The following MAPK7 variants were observed in gnomAD, a reference collection of about 807,000 sequenced individuals.
MAPK7 encodes the protein BMK-1.
A neutral mutation model predicts 56.9 loss-of-function variants in MAPK7; 30 were observed. That is an observed-to-expected ratio of 0.53 (90% CI 0.39 to 0.72). The LOEUF is 0.72. Among genes scored for constraint, MAPK7 ranks in the 30% least tolerant of loss-of-function variants. The pLI is 0.00. For missense variants in MAPK7, 952 were observed against 1,110.8 expected (o/e 0.86, Z 2.03); for synonymous variants, 516 against 449.3 (o/e 1.15, Z -1.88).
chr17:19,379,882 C>G lies in MAPK7; in HGVS notation c.333C>G (p.His111Gln). 1.2e-6 allele frequency: 2 copies of G among 1,614,230 alleles called. No homozygotes were observed. The highest frequency in any genetic ancestry group is 8.5e-7 in the Non-Finnish European group (1 of 1,180,040). Residue 111 changes from histidine (H) to glutamine (Q), a missense_variant, in exon 3 of 7, where the codon CAC becomes CAG. This residue lies in a region of MAPK7 where 213 missense variants were observed against 243.2 expected (regional missense o/e 0.88). Transcript: ENST00000395604. Reference protein sequence around the residue: ...RELKILKHFKHDNIIAIKDIL... With the variant: ...RELKILKHFKQDNIIAIKDIL... ...TGAAGATCCTCAAGCACTTTAAACACGACAACATCATCGCCATCAAGGACA... is the reference window on the plus strand; with the variant it reads ...TGAAGATCCTCAAGCACTTTAAACAGGACAACATCATCGCCATCAAGGACA...
At position 19,380,986 on chromosome 17, in the gene MAPK7, C is replaced by T; in HGVS notation, c.777C>T (p.Arg259=). The T allele has an allele frequency of 6.2e-7, 1 of 1,614,196 alleles. No individual in the cohort carries two copies. The highest frequency in any genetic ancestry group is 8.5e-7 in the Non-Finnish European group (1 of 1,180,040). ...TCTTTGGTGAGATGCTGGCCCGGCG[C>T]CAGCTCTTCCCAGGCAAAAACTATG... ...GCIFGEMLAR[R]QLFPGKNYVH... Residue 259 remains arginine, a synonymous_variant, in exon 4 of 7, where the codon CGC becomes CGT. Coordinates refer to ENST00000395604, the MANE Select transcript of MAPK7 (RefSeq NM_002749.4).
chr17:19,379,791 T>C lies in MAPK7; in HGVS notation c.242T>C (p.Val81Ala), dbSNP rs1434928369. The change falls in exon 3 of 7, where the codon GTG becomes GCG. Residue 81 changes from valine (V) to alanine (A), a missense_variant. Physicochemically the swap from Val to Ala is moderately conservative, Grantham distance 64 (BLOSUM62 0). Transcript: ENST00000395604. ...TTTCCCTGCTCCTCAGGCCAGCAGGTGGCCATCAAGAAGATCCCTAATGCT... is the reference window on the plus strand; with the variant it reads ...TTTCCCTGCTCCTCAGGCCAGCAGGCGGCCATCAAGAAGATCCCTAATGCT... ...SARRRLTGQQ[V>A]AIKKIPNAFD... 2 of 1,613,942 alleles carry C rather than the reference T, an allele frequency of 1.2e-6. No individual in the cohort carries two copies. The highest frequency in any genetic ancestry group is 1.7e-5 in the Admixed American group (1 of 59,978).
intron 5 of MAPK7, 131 bp from the exon 6 acceptor site, chr17:19,382,682 A>G: frequency 7.0e-7 from 1 of 1,431,022 alleles, no homozygotes; most frequent in South Asian, 1.3e-5. Flanking sequence ...AGATGGGGCC[A>G]GCCAGCACTC....
chr17:19,383,039 C>G, intron 6 of MAPK7, 39 bp from the exon 7 acceptor site: 1 of 1,612,698 alleles, frequency 6.2e-7, no homozygotes, highest in Non-Finnish European at 8.5e-7. Flanking sequence ...GAGGGTCCAG[C>G]CTAGGCTAAT....
chr17:19,381,947 T>G lies in MAPK7; in HGVS notation c.1644T>G (p.Ser548=). 1 of 1,551,696 alleles carries G rather than the reference T, an allele frequency of 6.4e-7. No individual in the cohort carries two copies. Among genetic ancestry groups the G allele is most frequent in the Non-Finnish European group, 8.7e-7 (1 of 1,147,168 alleles). Residue 548 remains serine, a synonymous_variant, in exon 5 of 7, where the codon TCT becomes TCG. Coordinates refer to ENST00000395604, the MANE Select transcript of MAPK7 (RefSeq NM_002749.4). The surrounding 1 kb of genome is among the most constrained non-coding windows in gnomAD (Gnocchi z 4.6). ...RERKERGAGA[S]GGPSTDPLAG... is the part of the protein sequence containing the mutation. ...GAAAGGAACGGGGGGCTGGGGCCTC[T>G]GGGGGCCCCTCCACTGACCCCTTGG...
chr17:19,382,331 T>A lies in MAPK7; in HGVS notation c.2028T>A (p.Pro676=), dbSNP rs1001125878. The A allele has an allele frequency of 1.2e-6, 2 of 1,613,122 alleles. No individual in the cohort carries two copies. The highest frequency in any genetic ancestry group is 2.7e-5 in the African/African-American group (2 of 74,860). ...CACTTGTGCCACCCCCTGGGCTGCC[T>A]GGCTCCAGCACCCCAGGAGTTTTGC... is the stretch of plus-strand genomic sequence containing the variant. ...AQSLVPPPGL[P]GSSTPGVLPY... Residue 676 remains proline (P), a synonymous_variant, in exon 5 of 7, where the codon CCT becomes CCA. Transcript: ENST00000395604.
At chr17:19,377,786 C>T (rs965513724), upstream of MAPK7, 5 of 974,122 alleles carry the variant, frequency 5.1e-6, no homozygotes, top group African/African-American at 8.8e-5. Context: ...GGTTGGGCGG[C>T]CGCCTCGGTT....
In MAPK7 at chr17:19,378,515, T is replaced by G. The variant is rs2233072; in HGVS notation, c.-121T>G. 0.72 allele frequency: 786,542 copies of G among 1,094,862 alleles called. 301,679 individuals carry two copies. Among genetic ancestry groups the G allele is most frequent in the Non-Finnish European group, 0.79 (704,206 of 894,806 alleles). The allele number at this position is 1,094,862 out of a possible 1,614,324, so 67.8% of individuals were successfully genotyped here. Reference sequence around the variant, plus strand: ...GGACGGACAGGGCAGCTCAAGACGCTGAGGTGGTGGCTGCGGCCTTTGAAC... The same window carrying G: ...GGACGGACAGGGCAGCTCAAGACGCGGAGGTGGTGGCTGCGGCCTTTGAAC... On this transcript the variant is annotated 5_prime_UTR_variant, in exon 1 of 7. Transcript: ENST00000395604. The surrounding 1 kb of genome is among the most constrained non-coding windows in gnomAD (Gnocchi z 5.4).
chr17:19,382,690 C>T, intron 5 of MAPK7, 123 bp from the exon 6 acceptor site: 1 of 1,439,730 alleles, frequency 6.9e-7, no homozygotes, highest in Non-Finnish European at 9.4e-7. Context: ...CCAGCCAGCA[C>T]TCACTGACTG....
chr17:19,379,984 A>G, intron 3 of MAPK7, 37 bp downstream of exon 3: 2 of 1,596,244 alleles, frequency 1.3e-6, no homozygotes, highest in Non-Finnish European at 1.7e-6. Flanking sequence ...CAGACTTGGG[A>G]CTTTTCTGAA....
In MAPK7 at chr17:19,381,656, C is replaced by T; in HGVS notation, c.1447C>T (p.Leu483=). The T allele has an allele frequency of 6.2e-7, 1 of 1,603,638 alleles. No individual in the cohort carries two copies. Among genetic ancestry groups the T allele is most frequent in the Non-Finnish European group, 8.5e-7 (1 of 1,174,716 alleles). ...DNTKAALKAA[L]LKSLRSRLRD... Reference sequence around the variant, plus strand: ...TACTAAGGCTGCCCTTAAAGCTGCCCTGCTCAAGTCTTTGAGGAGCCGGCT... The same window carrying T: ...TACTAAGGCTGCCCTTAAAGCTGCCTTGCTCAAGTCTTTGAGGAGCCGGCT... Residue 483 remains leucine (L), a synonymous_variant, in exon 4 of 7, where the codon CTG becomes TTG. Transcript: ENST00000395604. This position sits in a 1 kb window ranked among gnomAD's most constrained non-coding sequence, Gnocchi z 4.6.
chr17:19,383,473 A>ATG lies in MAPK7; in HGVS notation c.*244_*245dup. ...TCAGTATTATATTTTTATTATTATT[A>ATG]TGTTATTATTACACTGTCTTTTTGC... is the stretch of plus-strand genomic sequence containing the variant. On this transcript the variant is annotated 3_prime_UTR_variant, in exon 7 of 7. Coordinates refer to ENST00000395604, the MANE Select transcript of MAPK7 (RefSeq NM_002749.4). 2.8e-6 allele frequency: 1 copy of ATG among 351,980 alleles called. No individual in the cohort carries two copies. The allele number at this position is 351,980 out of a possible 1,614,324, so 21.8% of individuals were successfully genotyped here. A position where few individuals can be genotyped will look rare whatever the true frequency, so the allele number is the denominator to read the frequency against.
chr17:19,378,879 C>T lies in MAPK7; in HGVS notation c.-5-17C>T, dbSNP rs370028907. 17 of 1,544,334 alleles carry T rather than the reference C, an allele frequency of 1.1e-5. No individual in the cohort carries two copies. The East Asian group carries it at 1.5e-4, about 13-fold the overall frequency. ...CCCACGGTAGGTGGTCCTCTCCTCA[C>T]CCGAGTCTCCACACAGACACCATGG... On this transcript the variant is annotated splice_polypyrimidine_tract_variant and intron_variant, in intron 1 of 6. Coordinates refer to ENST00000395604, the MANE Select transcript of MAPK7 (RefSeq NM_002749.4). The surrounding 1 kb of genome is among the most constrained non-coding windows in gnomAD (Gnocchi z 5.4).
upstream of MAPK7, chr17:19,378,496 A>AT: frequency 1.9e-6 from 2 of 1,062,272 alleles, no homozygotes; most frequent in Non-Finnish European, 1.1e-6. The surrounding 1 kb of genome is among the most constrained non-coding windows in gnomAD (Gnocchi z 5.4). Flanking sequence ...AGGGGGACGG[A>AT]CAGGGCAGCT....
At chr17:19,379,194 C>T (rs1011354245) in intron 2 of MAPK7, 62 bp downstream of exon 2, 1 of 1,442,262 alleles carries the variant, frequency 6.9e-7, no homozygotes, top group African/African-American at 1.4e-5. Context: ...GGAAACCGGC[C>T]TGTCCCAGAC....
chr17:19,381,120 G>A lies in MAPK7; in HGVS notation c.911G>A (p.Arg304His), dbSNP rs777301615. Reference sequence around the variant, plus strand: ...GCCTATATCCAGAGCTTGCCACCACGCCAGCCTGTGCCCTGGGAGACAGTG... The same window carrying A: ...GCCTATATCCAGAGCTTGCCACCACACCAGCCTGTGCCCTGGGAGACAGTG... ...VRAYIQSLPP[R>H]QPVPWETVYP... Residue 304 changes from arginine to histidine, a missense_variant, in exon 4 of 7, where the codon CGC (arginine) becomes CAC (histidine). Arg to His is a conservative substitution (Grantham distance 29). Transcript: ENST00000395604. The surrounding 1 kb of genome is among the most constrained non-coding windows in gnomAD (Gnocchi z 4.6). 1.2e-6 allele frequency: 2 copies of A among 1,613,816 alleles called. No individual in the cohort carries two copies. Among genetic ancestry groups the A allele is most frequent in the Non-Finnish European group, 1.7e-6 (2 of 1,179,950 alleles).
At position 19,381,707 on chromosome 17, in the gene MAPK7, G is replaced by T. The variant is rs773205746; in HGVS notation, c.1477+21G>T. On this transcript the variant is annotated intron_variant, in intron 4 of 6. Transcript: ENST00000395604. The surrounding 1 kb of genome is among the most constrained non-coding windows in gnomAD (Gnocchi z 4.6). ...CAGAGGTGCCTTGTGGGCAGGTCGGGTGGGCAGAGGGGAGACTTGGACTTG... is the reference window on the plus strand; with the variant it reads ...CAGAGGTGCCTTGTGGGCAGGTCGGTTGGGCAGAGGGGAGACTTGGACTTG... The T allele has an allele frequency of 1.3e-6, 2 of 1,556,322 alleles. No homozygotes were observed.
At position 19,380,956 on chromosome 17, in the gene MAPK7, C is replaced by G. The variant is rs1170957426; in HGVS notation, c.747C>G (p.Gly249=). ...YTQAIDLWSV[G]CIFGEMLARR... ...AGGCTATTGACCTCTGGTCTGTGGG[C>G]TGCATCTTTGGTGAGATGCTGGCCC... The change falls in exon 4 of 7, where the codon GGC becomes GGG. Residue 249 remains glycine, a synonymous_variant. Transcript: ENST00000395604. 1.2e-6 allele frequency: 2 copies of G among 1,614,108 alleles called. No homozygotes were observed. Among genetic ancestry groups the G allele is most frequent in the African/African-American group, 2.7e-5 (2 of 74,958 alleles).
chr17:19,377,899 G>A, upstream of MAPK7: 1 of 985,416 alleles, frequency 1.0e-6, no homozygotes, highest in Non-Finnish European at 1.2e-6. Flanking sequence ...CAACTTGGCC[G>A]GAAGCTGCGG....
Sources: gnomAD v4.1 joint callset for allele counts on GRCh38, gnomAD v4.1.1 for gene constraint, gnomAD v4.1.1 regional missense constraint, Gnocchi (gnomAD v3.1) non-coding constraint, MANE v1.5 for transcripts, NCBI Gene and HGNC (gene_info 2026-07-23, HGNC 2026-07-21) for gene names.